The following STK4 variants were observed in gnomAD, a reference collection of about 807,000 sequenced individuals.
STK4 encodes the protein serine/threonine-protein kinase 4.
Under a neutral mutation model 64.9 loss-of-function variants are expected in STK4, and 30 were observed. The ratio of observed to expected loss-of-function variants is 0.46; its 90% confidence interval spans 0.35 to 0.63. The LOEUF (loss-of-function observed/expected upper bound fraction) is 0.63, where lower values mean the gene tolerates loss of function less well. Ranked by LOEUF, STK4 falls within the 20% of genes least tolerant of loss-of-function variation. The pLI is 0.01. For synonymous variants in STK4, 177 were observed against 199.0 expected (o/e 0.89, Z 0.93); for missense variants, 466 against 598.5 (o/e 0.78, Z 2.31).
chr20:44,993,269 T>G (rs557713189), intron 5 of STK4, among the ~76,000 whole-genome samples: 3 of 151,568 alleles, frequency 2.0e-5, no homozygotes, highest in Non-Finnish European at 4.4e-5. Flanking sequence ...CACACATACA[T>G]ATACACATAT....
chr20:44,988,553 ATATATATATATATATG>A (rs2067577394), intron 5 of STK4, among the ~76,000 whole-genome samples: 1 of 112,588 alleles, frequency 8.9e-6, no homozygotes, highest in African/African-American at 2.9e-5. Context: ...ATATATATAT[ATATATATATATATATG>A]TATCCATTCC....
At chr20:45,057,280 C>T (rs1334328445) in intron 10 of STK4, among the ~76,000 whole-genome samples, 2 of 152,220 alleles carry the variant, frequency 1.3e-5, no homozygotes, top group African/African-American at 2.4e-5. Context: ...AACTTCACAG[C>T]ACACGTTCTT....
chr20:45,027,792 G>A (rs13041216), intron 10 of STK4, among the ~76,000 whole-genome samples: 38,674 of 151,782 alleles, frequency 0.25, 5,628 homozygotes, highest in Middle Eastern at 0.43. Flanking sequence ...ACTGCTAACC[G>A]TCATTCTACA....
intron 10 of STK4, among the ~76,000 whole-genome samples, chr20:45,044,879 C>A (rs1179279082): frequency 2.0e-5 from 3 of 152,120 alleles, no homozygotes; most frequent in Non-Finnish European, 4.4e-5. Context: ...TAGTACCTAT[C>A]CTGCTTTTCC....
chr20:45,007,807 C>T, intron 9 of STK4: 1 of 422,412 alleles, frequency 2.4e-6, no homozygotes, highest in Non-Finnish European at 4.7e-6. Context: ...GGTACATGTG[C>T]AGGTTTGATG....
chr20:45,018,872 TG>T (rs534024561), intron 9 of STK4, among the ~76,000 whole-genome samples: 52 of 151,964 alleles, frequency 3.4e-4, no homozygotes, highest in African/African-American at 1.1e-3. Flanking sequence ...GGACTACAGG[TG>T]TGCACCACTA....
chr20:45,051,566 G>A (rs1378831928), intron 10 of STK4, among the ~76,000 whole-genome samples: 1 of 152,112 alleles, frequency 6.6e-6, no homozygotes, highest in African/African-American at 2.4e-5. Flanking sequence ...ATTTAGCTGT[G>A]GGTTGATTTG....
intron 10 of STK4, among the ~76,000 whole-genome samples, chr20:45,042,091 T>C (rs2145420559): frequency 6.6e-6 from 1 of 152,320 alleles, no homozygotes; most frequent in African/African-American, 2.4e-5. Flanking sequence ...AAAATGTAAA[T>C]TAGCTATTAC....
chr20:45,058,040 A>G (rs1469343215), intron 10 of STK4, among the ~76,000 whole-genome samples: 1 of 140,650 alleles, frequency 7.1e-6, no homozygotes, highest in Non-Finnish European at 1.5e-5. Context: ...ACTTATATTT[A>G]GCAGTTTGAA....
At chr20:45,038,338 C>G (rs1015792917) in intron 10 of STK4, among the ~76,000 whole-genome samples, 4 of 152,034 alleles carry the variant, frequency 2.6e-5, no homozygotes, top group Non-Finnish European at 5.9e-5. Context: ...ATACCTTTAT[C>G]ATACTTTTAC....
chr20:45,024,627 C>T (rs2145381321), intron 9 of STK4, among the ~76,000 whole-genome samples: 1 of 152,246 alleles, frequency 6.6e-6, no homozygotes, highest in Admixed American at 6.5e-5. Flanking sequence ...CTGTCTCATT[C>T]TAAATATTAT....
chr20:44,972,263 GA>G, intron 2 of STK4, 105 bp downstream of exon 2: 1 of 995,630 alleles, frequency 1.0e-6, no homozygotes, highest in Non-Finnish European at 1.5e-6. Flanking sequence ...AGGTGGGGTG[GA>G]AGGTAAATTT....
At chr20:45,048,122 G>T (rs2068724049) in intron 10 of STK4, among the ~76,000 whole-genome samples, 1 of 152,122 alleles carries the variant, frequency 6.6e-6, no homozygotes, top group East Asian at 1.9e-4. Context: ...CACCCAGGAC[G>T]CCAACATGAG....
chr20:45,001,119 A>G lies in STK4; in HGVS notation c.961-48A>G, dbSNP rs763414786. 1.2e-5 allele frequency: 19 copies of G among 1,564,266 alleles called. No homozygotes were observed. In the South Asian group the frequency reaches 2.2e-4, roughly 18 times the overall value. On this transcript the variant is annotated intron_variant, in intron 8 of 10. Transcript: ENST00000372806. ...AGGTAGTAGTTATTCAGAAAACTCA[A>G]AGTCTTTTGTCAAATTAGCCCCAAT... is the stretch of plus-strand genomic sequence containing the variant.
At chr20:45,039,750 A>G (rs1416712708) in intron 10 of STK4, among the ~76,000 whole-genome samples, 3 of 152,134 alleles carry the variant, frequency 2.0e-5, no homozygotes, top group Non-Finnish European at 4.4e-5. Context: ...CATCAAGGAC[A>G]TTCTTAAGGA....
chr20:45,039,785 C>T (rs955512483), intron 10 of STK4, among the ~76,000 whole-genome samples: 1 of 152,112 alleles, frequency 6.6e-6, no homozygotes, highest in African/African-American at 2.4e-5. Flanking sequence ...TAGCCAGTGA[C>T]TGTAAAGAAT....
At chr20:45,020,107 C>T (rs568934893) in intron 9 of STK4, among the ~76,000 whole-genome samples, 1 of 152,174 alleles carries the variant, frequency 6.6e-6, no homozygotes, top group South Asian at 2.1e-4. Context: ...CAAGTCCCAT[C>T]CTTGTTGGTT....
Position 45,061,857 on chromosome 20 carries a change from TTTC to T in STK4, c.1306-13146_1306-13144del, listed in dbSNP as rs1207748868. 1.2e-3 allele frequency among the ~76,000 whole-genome samples: 172 copies of T among 149,022 alleles called. 1 individual carries two copies. The highest frequency in any genetic ancestry group is 3.5e-3 in the African/African-American group (138 of 39,834). ...CATGCAGTATTTGTTTTTCTTTTCT[TTTC>T]TTCTTCTTCTTCTTTTTTTTTTTTT... On this transcript the variant is annotated intron_variant, in intron 10 of 10. Coordinates refer to ENST00000372806, the MANE Select transcript of STK4 (RefSeq NM_006282.5).
At position 45,079,837 on chromosome 20, in the gene STK4, CTTTT is replaced by C. The variant is rs1435908895; in HGVS notation, c.*4664_*4667del. On this transcript the variant is annotated 3_prime_UTR_variant, in exon 11 of 11. Transcript: ENST00000372806. ...CCTCCATTGCCCCCACTCCTTTTTT[CTTTT>C]TTAAGTTTGAGATGCTTCCTGTGTT... 1 of 152,470 alleles carries C rather than the reference CTTTT, an allele frequency of 6.6e-6. No individual in the cohort carries two copies. Among genetic ancestry groups the C allele is most frequent in the African/African-American group, 2.4e-5 (1 of 41,422 alleles). 9.4% of individuals were successfully genotyped at this position (152,470 alleles called of 1,614,324 possible).
Sources: gnomAD v4.1 joint callset for allele counts (sites outside exome capture counted in the v4.1 genomes callset) on GRCh38, gnomAD v4.1.1 for gene constraint, MANE v1.5 for transcripts, NCBI Gene and HGNC (gene_info 2026-07-23, HGNC 2026-07-21) for gene names.